Variants in DLG2 observed in about 807,000 individuals in gnomAD.
DLG2 encodes the protein disks large homolog 2.
In DLG2, 45 loss-of-function variants were observed where a neutral mutation model predicts 132.5. The ratio of observed to expected loss-of-function variants is 0.34; its 90% CI spans 0.27 to 0.44. The LOEUF (loss-of-function observed/expected upper bound fraction) is 0.44. Ranked by LOEUF, DLG2 falls within the 20% of genes least tolerant of loss-of-function variation. DLG2 has a pLI of 1.00. For synonymous variants in DLG2, 424 were observed against 419.6 expected, an observed-to-expected ratio of 1.01 and a Z score of -0.13; for missense variants, 1,045 against 1,196.9, an observed-to-expected ratio of 0.87 and a Z score of 1.87.
intron 18 of DLG2, among the ~76,000 whole-genome samples, chr11:83,674,471 T>G (rs1460232864): frequency 4.6e-5 from 7 of 152,218 alleles, no homozygotes; most frequent in African/African-American, 1.7e-4. Context: ...ATCTGGTTTG[T>G]GCTATGGGGA....
rs2099638082 is a variant in DLG2, at chr11:84,634,926, C to G, written c.358-100195G>C. Among the ~76,000 whole-genome samples, 4 of 152,212 alleles carry G rather than the reference C, an allele frequency of 2.6e-5. No homozygotes were observed. In the South Asian group the frequency reaches 6.2e-4, roughly 24 times the overall value. On this transcript the variant is annotated intron_variant, in intron 6 of 27. Coordinates refer to ENST00000376104, the MANE Select transcript of DLG2 (RefSeq NM_001142699.3). ...GGGAAATACCGGACATCCTCAAGGT[C>G]AACAAGGAAATGGAGAGGCAATAGA...
At chr11:85,585,956 G>A (rs1417381082) in intron 3 of DLG2, among the ~76,000 whole-genome samples, 1 of 152,248 alleles carries the variant, frequency 6.6e-6, no homozygotes, top group African/African-American at 2.4e-5. Context: ...CTGACCTCAT[G>A]ATCCACCCTC....
chr11:85,263,011 AG>A (rs1244760924), intron 4 of DLG2, among the ~76,000 whole-genome samples: 1 of 152,206 alleles, frequency 6.6e-6, no homozygotes, highest in East Asian at 1.9e-4. Context: ...GGGACCAAAA[AG>A]AATGTCTGCT....
At chr11:83,499,891 A>ATCTATCTATC (rs1555113388) in intron 21 of DLG2, among the ~76,000 whole-genome samples, 1 of 108,200 alleles carries the variant, frequency 9.2e-6, no homozygotes, top group African/African-American at 3.9e-5. Context: ...ATATATATAT[A>ATCTATCTATC]TATATATCAG....
At chr11:85,103,018 A>G (rs931724412) in intron 6 of DLG2, among the ~76,000 whole-genome samples, 17 of 151,984 alleles carry the variant, frequency 1.1e-4, no homozygotes, top group Non-Finnish European at 2.4e-4. Flanking sequence ...CTTTGTTTAC[A>G]ATAGCATTGA....
At chr11:83,579,848 T>C (rs2096939657) in intron 19 of DLG2, among the ~76,000 whole-genome samples, 1 of 151,950 alleles carries the variant, frequency 6.6e-6, no homozygotes, top group Non-Finnish European at 1.5e-5. Flanking sequence ...CATGTGCCTA[T>C]GGTCCCAGCT....
At chr11:84,129,599 A>C (rs2094329199) in intron 9 of DLG2, among the ~76,000 whole-genome samples, 1 of 152,120 alleles carries the variant, frequency 6.6e-6, no homozygotes, top group African/African-American at 2.4e-5. Flanking sequence ...ATGGTAAGAA[A>C]AGAAGTATAT....
intron 6 of DLG2, among the ~76,000 whole-genome samples, chr11:84,553,772 T>C (rs532448122): frequency 6.6e-6 from 1 of 152,352 alleles, no homozygotes; most frequent in Admixed American, 6.5e-5. Flanking sequence ...TAAAATGTAT[T>C]GTGGACCATT....
At position 83,743,449 on chromosome 11, in the gene DLG2, T is replaced by TTTTTTTTTTTTTTTTTTTTTTTTA. The variant is rs1555372680; in HGVS notation, c.1825+43240_1825+43241insTAAAAAAAAAAAAAAAAAAAAAAA. The stretch of plus-strand genomic sequence containing the variant: ...AGGCCATTTTTTTTTTTTTTTTTTT[T>TTTTTTTTTTTTTTTTTTTTTTTTA]ATGACAGGGTCTCACTTTGTCACCC... On this transcript the variant is annotated intron_variant, in intron 18 of 27. Transcript: ENST00000376104. 4.2e-3 allele frequency among the ~76,000 whole-genome samples: 525 copies of TTTTTTTTTTTTTTTTTTTTTTTTA among 123,892 alleles called. 39 individuals are homozygous for TTTTTTTTTTTTTTTTTTTTTTTTA. The highest frequency in any genetic ancestry group is 6.9e-3 in the African/African-American group (167 of 24,074). 81.3% of individuals were successfully genotyped at this position (123,892 alleles called of 152,430 possible).
chr11:85,495,878 C>T (rs995649025), intron 3 of DLG2, among the ~76,000 whole-genome samples: 4 of 152,260 alleles, frequency 2.6e-5, no homozygotes, highest in African/African-American at 7.2e-5. Context: ...TGGAACGAAC[C>T]CAAATGCCCA....
In DLG2 at chr11:85,019,742, G is replaced by C. The variant is rs555761695; in HGVS notation, c.357+91919C>G. Among the ~76,000 whole-genome samples, 7 of 152,254 alleles carry C rather than the reference G, an allele frequency of 4.6e-5. No individual in the cohort carries two copies. In the South Asian group the frequency reaches 6.2e-4, roughly 14 times the overall value. On this transcript the variant is annotated intron_variant, in intron 6 of 27. Transcript: ENST00000376104. ...TGTTTGGTTTTCTGTCTTTGTGACA[G>C]TTTGCAGAGAATGATGGTTTCCAGC...
intron 5 of DLG2, among the ~76,000 whole-genome samples, chr11:85,147,742 A>C (rs999035014): frequency 1.4e-4 from 19 of 136,830 alleles, no homozygotes; most frequent in Admixed American, 4.2e-4. Flanking sequence ...ATATTCTTTT[A>C]TTTTATTTTA....
chr11:84,842,916 G>A (rs1201411308), intron 6 of DLG2, among the ~76,000 whole-genome samples: 2 of 151,856 alleles, frequency 1.3e-5, no homozygotes, highest in Admixed American at 6.6e-5. Context: ...AAAATTGGCC[G>A]AGTTATGTAA....
chr11:84,552,309 T>C (rs2099403317), intron 6 of DLG2, among the ~76,000 whole-genome samples: 1 of 152,122 alleles, frequency 6.6e-6, no homozygotes, highest in African/African-American at 2.4e-5. Context: ...ACACCAACTT[T>C]CCTTTCTCTG....
chr11:85,525,885 C>A (rs375532071), intron 3 of DLG2, among the ~76,000 whole-genome samples: 1 of 152,058 alleles, frequency 6.6e-6, no homozygotes, highest in African/African-American at 2.4e-5. Context: ...CAGAGAGTAC[C>A]GGAGATCTAC....
chr11:84,709,055 T>G lies in DLG2; in HGVS notation c.358-174324A>C, dbSNP rs140332604. Among the ~76,000 whole-genome samples, 87 of 152,004 alleles carry G rather than the reference T, an allele frequency of 5.7e-4. 1 individual carries two copies. The East Asian group carries it at 0.015, about 26-fold the overall frequency. ...ACACATTACTGAATCTGTGCTCACA[T>G]GGAAGCTGCTGTGAGGGAAGGGAGC... On this transcript the variant is annotated intron_variant, in intron 6 of 27. Coordinates refer to ENST00000376104, the MANE Select transcript of DLG2 (RefSeq NM_001142699.3).
At chr11:83,498,989 T>G (rs771541361) in intron 21 of DLG2, among the ~76,000 whole-genome samples, 1 of 151,946 alleles carries the variant, frequency 6.6e-6, no homozygotes, top group Non-Finnish European at 1.5e-5. Context: ...AGACACAAAC[T>G]ACCAAAATTG....
intron 7 of DLG2, among the ~76,000 whole-genome samples, chr11:84,436,498 T>C (rs2099001173): frequency 6.6e-6 from 1 of 152,200 alleles, no homozygotes; most frequent in East Asian, 1.9e-4. Context: ...CTGAAGATCA[T>C]ATCCTCAGAG....
chr11:85,563,433 T>G (rs1301933200), intron 3 of DLG2, among the ~76,000 whole-genome samples: 1 of 150,890 alleles, frequency 6.6e-6, no homozygotes, highest in African/African-American at 2.4e-5. Context: ...AAAAAAAAAG[T>G]TCCTTTGTGC....
Sources: gnomAD v4.1 joint callset for allele counts (sites outside exome capture counted in the v4.1 genomes callset) on GRCh38, gnomAD v4.1.1 for gene constraint, MANE v1.5 for transcripts, NCBI Gene and HGNC (gene_info 2026-07-23, HGNC 2026-07-21) for gene names.